Variants in AFF3 observed in about 807,000 individuals in gnomAD.
AFF3 encodes the protein AF4/FMR2 family member 3.
AFF3 carries 32 observed loss-of-function variants against 129.7 expected under a neutral mutation model. The observed-to-expected ratio is 0.25, with a 90% CI of 0.19 to 0.33. AFF3 has a LOEUF of 0.33. AFF3 is among the 10% of genes least tolerant of loss of function. The pLI is 1.00. For synonymous variants in AFF3, 644 were observed against 635.4 expected (o/e 1.01, Z -0.20); for missense variants, 1,373 against 1,592.0 (o/e 0.86, Z 2.34).
chr2:100,064,020 C>T (rs377013855), intron 4 of AFF3, among the ~76,000 whole-genome samples: 28 of 151,578 alleles, frequency 1.8e-4, no homozygotes, highest in East Asian at 1.8e-3. Context: ...ACCCGGGAGG[C>T]GGAGGTTGCA....
At chr2:99,557,193 TA>T (rs576595683) in intron 22 of AFF3, among the ~76,000 whole-genome samples, 6 of 151,726 alleles carry the variant, frequency 4.0e-5, no homozygotes, top group Non-Finnish European at 7.4e-5. Context: ...GTTGATTAAT[TA>T]AAAAAATTTT....
At chr2:99,642,663 C>T (rs1013713916) in intron 13 of AFF3, among the ~76,000 whole-genome samples, 2 of 152,198 alleles carry the variant, frequency 1.3e-5, no homozygotes, top group African/African-American at 4.8e-5. Context: ...TGTTACGATG[C>T]AAAACGTGGC....
chr2:99,558,972 C>T lies in AFF3; in HGVS notation c.3192-4G>A. On this transcript the variant is annotated splice_region_variant and splice_polypyrimidine_tract_variant and intron_variant, in intron 21 of 24. Coordinates refer to ENST00000672756, the MANE Select transcript of AFF3 (RefSeq NM_001386135.1). The stretch of plus-strand genomic sequence containing the variant: ...CAGGAGGGCCAGGCATCGGTAACTG[C>T]AGGCGAAAAGAGAAACAGGCCCAGA... 6.2e-7 allele frequency: 1 copy of T among 1,614,130 alleles called. No individual in the cohort carries two copies.
chr2:99,901,436 T>C (rs1334160034), intron 7 of AFF3, among the ~76,000 whole-genome samples: 3 of 152,174 alleles, frequency 2.0e-5, no homozygotes, highest in Admixed American at 6.5e-5. Context: ...TACTAAACCA[T>C]TGCCCTCCTC....
chr2:100,055,599 C>T (rs886871949), intron 4 of AFF3, among the ~76,000 whole-genome samples: 3 of 152,128 alleles, frequency 2.0e-5, no homozygotes, highest in Admixed American at 2.0e-4. Flanking sequence ...TTCTAATGTA[C>T]AGCAGGCTGA....
intron 10 of AFF3, among the ~76,000 whole-genome samples, chr2:99,731,819 T>C (rs1195893220): frequency 1.3e-5 from 2 of 152,246 alleles, no homozygotes; most frequent in Non-Finnish European, 2.9e-5. Context: ...TGAATTCTCA[T>C]TGTTATGTTC....
intron 4 of AFF3, among the ~76,000 whole-genome samples, chr2:100,102,413 A>G (rs1016873601): frequency 3.3e-5 from 5 of 152,190 alleles, no homozygotes; most frequent in Non-Finnish European, 7.3e-5. Context: ...TGCCTTCATA[A>G]GCCAAAACTC....
At chr2:99,787,782 G>A (rs1163754993) in intron 8 of AFF3, among the ~76,000 whole-genome samples, 1 of 152,212 alleles carries the variant, frequency 6.6e-6, no homozygotes, top group Non-Finnish European at 1.5e-5. Context: ...CCTGGAGTTT[G>A]CTGAGAGGCT....
intron 7 of AFF3, among the ~76,000 whole-genome samples, chr2:99,988,418 G>A (rs1238406074): frequency 6.6e-6 from 1 of 152,152 alleles, no homozygotes; most frequent in Non-Finnish European, 1.5e-5. Context: ...AGTGTACCTG[G>A]CACAGCATCC....
At chr2:99,932,163 A>G (rs1222418024) in intron 7 of AFF3, among the ~76,000 whole-genome samples, 1 of 152,192 alleles carries the variant, frequency 6.6e-6, no homozygotes, top group African/African-American at 2.4e-5. Flanking sequence ...ATACGGCCCA[A>G]TACAAATTTA....
intron 8 of AFF3, among the ~76,000 whole-genome samples, chr2:99,799,273 A>G (rs1358532418): frequency 6.6e-6 from 1 of 152,042 alleles, no homozygotes; most frequent in East Asian, 1.9e-4. Flanking sequence ...AGTGAGCTTC[A>G]AGGCATAATA....
chr2:99,937,543 C>T (rs568322803), intron 7 of AFF3, among the ~76,000 whole-genome samples: 5 of 152,220 alleles, frequency 3.3e-5, no homozygotes, highest in South Asian at 2.1e-4. Context: ...GGACTACAGG[C>T]GCCTGCTACC....
chr2:99,938,749 GC>G (rs1674756967), intron 7 of AFF3, among the ~76,000 whole-genome samples: 1 of 152,162 alleles, frequency 6.6e-6, no homozygotes, highest in Non-Finnish European at 1.5e-5. Context: ...TGTCTAGCCT[GC>G]TGGCCATCCC....
chr2:99,895,820 A>G (rs535102020), intron 7 of AFF3, among the ~76,000 whole-genome samples: 13 of 152,208 alleles, frequency 8.5e-5, no homozygotes, highest in South Asian at 2.1e-4. Context: ...TGGAATCCCA[A>G]TACTCTGGGA....
At chr2:99,875,691 A>ATTC (rs1692241334) in intron 7 of AFF3, among the ~76,000 whole-genome samples, 1 of 152,198 alleles carries the variant, frequency 6.6e-6, no homozygotes, top group Non-Finnish European at 1.5e-5. Flanking sequence ...CAATATGTGA[A>ATTC]TGAGTGGATA....
chr2:99,782,511 G>A (rs577468718), intron 8 of AFF3, among the ~76,000 whole-genome samples: 2 of 152,278 alleles, frequency 1.3e-5, no homozygotes, highest in South Asian at 2.1e-4. Flanking sequence ...GCTTTTCCGC[G>A]GCAATCCATC....
intron 8 of AFF3, among the ~76,000 whole-genome samples, chr2:99,805,813 T>TACACACACACACACACACAC (rs3072357): frequency 1.3e-4 from 18 of 142,944 alleles, no homozygotes; most frequent in South Asian, 9.6e-4. Flanking sequence ...GCAGGAGTCT[T>TACACACACACACACACACAC]ACACACACAC....
intron 4 of AFF3, among the ~76,000 whole-genome samples, chr2:100,025,232 T>G (rs951375768): frequency 2.6e-5 from 4 of 151,928 alleles, no homozygotes; most frequent in African/African-American, 4.8e-5. Context: ...GACCATTCAG[T>G]AGCTCTCCTA....
intron 13 of AFF3, among the ~76,000 whole-genome samples, chr2:99,639,218 C>T (rs529683457): frequency 1.1e-4 from 16 of 152,276 alleles, no homozygotes; most frequent in South Asian, 1.0e-3. Context: ...GTGTTATGTA[C>T]CTGATAGAAC....
Sources: allele counts gnomAD v4.1 joint callset (sites outside exome capture counted in the v4.1 genomes callset), GRCh38; gene constraint gnomAD v4.1.1; transcripts MANE v1.5; gene names NCBI Gene and HGNC (gene_info 2026-07-23, HGNC 2026-07-21).